CITED2: variants seen among roughly 807,000 people sequenced by gnomAD.
CITED2 encodes the protein Cbp/p300 interacting transactivator with ED-rich tail 2.
A neutral mutation model predicts 11.8 loss-of-function variants in CITED2; 2 were observed. That is an observed-to-expected ratio of 0.17 (90% CI 0.07 to 0.54). CITED2 has a LOEUF of 0.54. CITED2 is among the 20% of genes least tolerant of loss of function. The pLI, the probability that CITED2 is intolerant of heterozygous loss-of-function variation, is 0.94. For missense variants in CITED2, 437 were observed against 390.2 expected, an observed-to-expected ratio of 1.12 and a Z score of -1.01; for synonymous variants, 210 against 153.0, an observed-to-expected ratio of 1.37 and a Z score of -2.75.
rs1778300156 is a variant in CITED2 at position 139,373,471 on chromosome 6, G to A, written c.474C>T (p.Pro158=). ...GTNQHFRDCN[P]KHSGGSSTPG... Reference sequence around the variant, plus strand: ...GGGTGCTGCTGCCGCCGCTGTGCTTGGGGTTGCAATCTCGGAAGTGCTGGT... The same window carrying A: ...GGGTGCTGCTGCCGCCGCTGTGCTTAGGGTTGCAATCTCGGAAGTGCTGGT... Residue 158 remains proline (P), a synonymous_variant, in exon 2 of 2, where the codon CCC becomes CCT. Coordinates refer to ENST00000367651, the MANE Select transcript of CITED2 (RefSeq NM_006079.5). 1.2e-6 allele frequency: 2 copies of A among 1,601,334 alleles called. No homozygotes were observed. The highest frequency in any genetic ancestry group is 1.7e-6 in the Non-Finnish European group (2 of 1,173,006).
At chr6:139,374,154 T>C (rs1778327996) in intron 1 of CITED2, 1 of 1,464,508 alleles carries the variant, frequency 6.8e-7, no homozygotes, top group Admixed American at 2.2e-5. Flanking sequence ...AGCCGGACGC[T>C]GCACAAACAG....
rs928782178 is a variant in CITED2, at chr6:139,373,723, C to A, written c.222G>T (p.Gly74=). ...GGTGCCCTCCGTTCACAGTCCCCGGCCCCATCGCATGCCTGATGCCGCTCG... is the reference window on the plus strand; with the variant it reads ...GGTGCCCTCCGTTCACAGTCCCCGGACCCATCGCATGCCTGATGCCGCTCG... The part of the protein sequence containing the change: ...NATSGIRHAM[G]PGTVNGGHPP... Residue 74 remains glycine (G), a synonymous_variant, in exon 2 of 2, where the codon GGG becomes GGT. Coordinates refer to ENST00000367651, the MANE Select transcript of CITED2 (RefSeq NM_006079.5). 6.2e-7 allele frequency: 1 copy of A among 1,610,904 alleles called. No homozygotes were observed. Among genetic ancestry groups the A allele is most frequent in the Non-Finnish European group, 8.5e-7 (1 of 1,179,872 alleles).
At position 139,373,416 on chromosome 6, in the gene CITED2, C is replaced by A; in HGVS notation, c.529G>T (p.Gly177Cys). The A allele has an allele frequency of 6.5e-7, 1 of 1,540,136 alleles. No individual in the cohort carries two copies. Among genetic ancestry groups the A allele is most frequent in the Non-Finnish European group, 8.7e-7 (1 of 1,149,006 alleles). Residue 177 changes from glycine (G) to cysteine (C), a missense_variant, in exon 2 of 2, where the codon GGC becomes TGC. By Grantham distance (159) the Gly-to-Cys change is radical (BLOSUM62 -3). Around this residue, in one of 3 missense-constraint regions of CITED2, gnomAD observed 396 missense variants for 325.2 expected, o/e 1.22. Coordinates refer to ENST00000367651, the MANE Select transcript of CITED2 (RefSeq NM_006079.5). The part of the protein sequence containing the change: ...PGGSGGSSTP[G>C]GSGSSSGGGA... ...CCGCCCGAGCTGCTGCCAGAGCCGC[C>A]GGGGGTGCTGCTGCCGCCCGAGCCG...
At position 139,373,691 on chromosome 6, in the gene CITED2, C is replaced by T. The variant is rs1203026085; in HGVS notation, c.254G>A (p.Ser85Asn). Residue 85 changes from serine to asparagine, a missense_variant, in exon 2 of 2, where the codon AGC (serine) becomes AAC (asparagine). Ser to Asn is a conservative substitution (Grantham distance 46). Around this residue, in one of 3 missense-constraint regions of CITED2, gnomAD observed 396 missense variants for 325.2 expected, o/e 1.22. Transcript: ENST00000367651. Reference protein sequence around the residue: ...PGTVNGGHPPSALAPAARFNN... With the variant: ...PGTVNGGHPPNALAPAARFNN... ...AAACCTGGCCGCGGGGGCCAGCGCG[C>T]TCGGGGGGTGCCCTCCGTTCACAGT... 1.2e-6 allele frequency: 2 copies of T among 1,610,956 alleles called. No individual in the cohort carries two copies. Among genetic ancestry groups the T allele is most frequent in the Non-Finnish European group, 1.7e-6 (2 of 1,179,716 alleles).
At chr6:139,374,110 C>G in intron 1 of CITED2, 158 bp from the exon 2 acceptor site, 1 of 1,498,304 alleles carries the variant, frequency 6.7e-7, no homozygotes. Context: ...TGCACCCGGG[C>G]TAGCCACCAC....
At position 139,372,677 on chromosome 6, in the gene CITED2, T is replaced by C. The variant is rs920582732; in HGVS notation, c.*455A>G. 2.2e-3 allele frequency: 472 copies of C among 212,900 alleles called. 5 individuals are homozygous for C. Among genetic ancestry groups the C allele is most frequent in the Non-Finnish European group, 5.2e-4 (53 of 102,076 alleles). 13.2% of individuals were successfully genotyped at this position (212,900 alleles called of 1,614,324 possible). The stretch of plus-strand genomic sequence containing the variant: ...AAAAATGAAGCGAGATGGCAGTTTG[T>C]GCAGTAATATCTGCCCTTCGAAGTT... On this transcript the variant is annotated 3_prime_UTR_variant, in exon 2 of 2. Transcript: ENST00000367651.
At position 139,372,989 on chromosome 6, in the gene CITED2, A is replaced by C. The variant is rs1335987659; in HGVS notation, c.*143T>G. 1.1e-5 allele frequency: 10 copies of C among 900,576 alleles called. No homozygotes were observed. The highest frequency in any genetic ancestry group is 1.6e-5 in the Non-Finnish European group (9 of 560,840). The allele number at this position is 900,576 out of a possible 1,614,324, so 55.8% of individuals were successfully genotyped here. A position where few individuals can be genotyped will look rare whatever the true frequency, so the allele number is the denominator to read the frequency against. On this transcript the variant is annotated 3_prime_UTR_variant, in exon 2 of 2. Transcript: ENST00000367651. ...GCAATTTTTTTTAAAACCAATTTGT[A>C]CAAGTTTATAGTTTACTTTGTTTCC... is the stretch of plus-strand genomic sequence containing the variant.
chr6:139,373,642 G>C lies in CITED2; in HGVS notation c.303C>G (p.Pro101=), dbSNP rs1400737202. Reference sequence around the variant, plus strand: ...GGGAGCCTCCCTGGCTGGCCACCGGGGGACCCATGAACTGGGAGTTGTTAA... The same window carrying C: ...GGGAGCCTCCCTGGCTGGCCACCGGCGGACCCATGAACTGGGAGTTGTTAA... ...ARFNNSQFMG[P]PVASQGGSLP... The change falls in exon 2 of 2, where the codon CCC becomes CCG. Residue 101 remains proline, a synonymous_variant. Coordinates refer to ENST00000367651, the MANE Select transcript of CITED2 (RefSeq NM_006079.5). The C allele has an allele frequency of 8.1e-6, 13 of 1,613,840 alleles. No individual in the cohort carries two copies. Among genetic ancestry groups the C allele is most frequent in the East Asian group, 2.2e-5 (1 of 44,856 alleles).
At position 139,373,269 on chromosome 6, in the gene CITED2, C is replaced by A; in HGVS notation, c.676G>T (p.Glu226Ter). Reference sequence around the variant, plus strand: ...TCTATCACCAAGGACATAAGAACTTCCTCGTCGATGAAATCAGTGTCTATG... The same window carrying A: ...TCTATCACCAAGGACATAAGAACTTACTCGTCGATGAAATCAGTGTCTATG... The part of the protein sequence containing the change: ...NVIDTDFIDE[E>*]VLMSLVIEMG... The change falls in exon 2 of 2, where the codon GAA becomes TAA. Residue 226 changes from glutamate to a stop codon, truncating the protein, a stop_gained. Coordinates refer to ENST00000367651, the MANE Select transcript of CITED2 (RefSeq NM_006079.5). LOFTEE classifies it high-confidence loss of function. The A allele has an allele frequency of 6.2e-7, 1 of 1,614,132 alleles. No individual in the cohort carries two copies. The highest frequency in any genetic ancestry group is 1.3e-5 in the African/African-American group (1 of 75,060).
At chr6:139,374,391 C>A in intron 1 of CITED2, 22 bp downstream of exon 1, 1 of 466,534 alleles carries the variant, frequency 2.1e-6, no homozygotes, top group Admixed American at 3.8e-5. Flanking sequence ...GAGCCCCAGC[C>A]AGCTTCGCCC....
At chr6:139,374,178 G>T in intron 1 of CITED2, 1 of 1,445,210 alleles carries the variant, frequency 6.9e-7, no homozygotes. Flanking sequence ...CTTCCCCTGC[G>T]ATCGGGCGGG....
intron 1 of CITED2, 141 bp downstream of exon 1, chr6:139,374,272 T>A: frequency 8.7e-7 from 1 of 1,143,990 alleles, no homozygotes; most frequent in South Asian, 1.7e-5. Flanking sequence ...ACTTCAGGCA[T>A]TAAATCAGCC....
chr6:139,374,042 G>A (rs963161089), intron 1 of CITED2, 90 bp from the exon 2 acceptor site: 17 of 1,528,632 alleles, frequency 1.1e-5, no homozygotes, highest in African/African-American at 4.1e-5. Flanking sequence ...TGCCCCCCAG[G>A]ATTCCCGGGC....
At chr6:139,373,976 T>C (rs759969965) in intron 1 of CITED2, 24 bp from the exon 2 acceptor site, 1 of 1,585,584 alleles carries the variant, frequency 6.3e-7, no homozygotes. Flanking sequence ...GGGCAGATAA[T>C]GAGACCCGCG....
In CITED2 at chr6:139,373,563, G is replaced by C; in HGVS notation, c.382C>G (p.Pro128Ala). ...GGCATGTAGTGGTTGTGGGGGTAGGGGTGATGGTTGAAATACTGGTTGTTG... is the reference window on the plus strand; with the variant it reads ...GGCATGTAGTGGTTGTGGGGGTAGGCGTGATGGTTGAAATACTGGTTGTTG... ...KLNNQYFNHH[P>A]YPHNHYMPDL... The change falls in exon 2 of 2, where the codon CCC becomes GCC. Residue 128 changes from proline to alanine, a missense_variant. Coordinates refer to ENST00000367651, the MANE Select transcript of CITED2 (RefSeq NM_006079.5). The C allele has an allele frequency of 8.1e-6, 13 of 1,614,144 alleles. No individual in the cohort carries two copies. The highest frequency in any genetic ancestry group is 9.3e-6 in the Non-Finnish European group (11 of 1,179,998).
chr6:139,373,381 G>T lies in CITED2; in HGVS notation c.564C>A (p.Gly188=). ...GSGSSSGGGA[G]SSNSGGGSGS... ...CGCTGCCGCCGCCGCTGTTGCTGCT[G>T]CCCGCGCCGCCGCCCGAGCTGCTGC... is the stretch of plus-strand genomic sequence containing the variant. Residue 188 remains glycine, a synonymous_variant, in exon 2 of 2, where the codon GGC becomes GGA. Coordinates refer to ENST00000367651, the MANE Select transcript of CITED2 (RefSeq NM_006079.5). 1 of 1,574,970 alleles carries T rather than the reference G, an allele frequency of 6.3e-7. No homozygotes were observed. Among genetic ancestry groups the T allele is most frequent in the Non-Finnish European group, 8.6e-7 (1 of 1,162,902 alleles).
At position 139,374,498 on chromosome 6, in the gene CITED2, TC is replaced by T. The variant is rs1176536168; in HGVS notation, c.-95del. On this transcript the variant is annotated 5_prime_UTR_variant, in exon 1 of 2. Coordinates refer to ENST00000367651, the MANE Select transcript of CITED2 (RefSeq NM_006079.5). ...GCTCAGCAGCACATAGAGGGGACCT[TC>T]CTGGCGTGCAAAGCGCTTCGCTGTC... 2.0e-5 allele frequency: 5 copies of T among 250,792 alleles called. No homozygotes were observed. Among genetic ancestry groups the T allele is most frequent in the Non-Finnish European group, 3.8e-5 (5 of 130,830 alleles). 15.5% of individuals were successfully genotyped at this position (250,792 alleles called of 1,614,324 possible).
Position 139,374,551 on chromosome 6 carries a change from C to A in CITED2, c.-147G>T, listed in dbSNP as rs1028964427. On this transcript the variant is annotated 5_prime_UTR_variant, in exon 1 of 2. Transcript: ENST00000367651. ...CGATGTCGGCGCCGAGGTCTCGCAGCGGCCGCTGGGGCAGATTCGGAGCCG... is the reference window on the plus strand; with the variant it reads ...CGATGTCGGCGCCGAGGTCTCGCAGAGGCCGCTGGGGCAGATTCGGAGCCG... 1 of 194,480 alleles carries A rather than the reference C, an allele frequency of 5.1e-6. No individual in the cohort carries two copies. Among genetic ancestry groups the A allele is most frequent in the Non-Finnish European group, 1.0e-5 (1 of 95,248 alleles). The allele number at this position is 194,480 out of a possible 1,614,324, so 12.0% of individuals were successfully genotyped here. A position where few individuals can be genotyped will look rare whatever the true frequency, so the allele number is the denominator to read the frequency against.
Position 139,374,188 on chromosome 6 carries a change from G to A in CITED2, c.-9+225C>T, listed in dbSNP as rs376495906. 2.1e-6 allele frequency: 3 copies of A among 1,442,758 alleles called. No homozygotes were observed. In the East Asian group the frequency reaches 7.5e-5, roughly 36 times the overall value. 89.4% of individuals were successfully genotyped at this position (1,442,758 alleles called of 1,614,324 possible). A position where few individuals can be genotyped will look rare whatever the true frequency, so the allele number is the denominator to read the frequency against. ...AGCCCCTTCCCCTGCGATCGGGCGG[G>A]GGGACCCGAGCCCACACCCCCTTTG... On this transcript the variant is annotated intron_variant, in intron 1 of 1. Coordinates refer to ENST00000367651, the MANE Select transcript of CITED2 (RefSeq NM_006079.5).
Sources: allele counts gnomAD v4.1 joint callset, GRCh38; gene constraint gnomAD v4.1.1; regional missense constraint gnomAD v4.1.1; transcripts MANE v1.5; gene names NCBI Gene and HGNC (gene_info 2026-07-23, HGNC 2026-07-21).